The following NKAIN3 variants were observed in gnomAD, a reference collection of about 807,000 sequenced individuals.
NKAIN3 encodes the protein sodium/potassium transporting ATPase interacting 3.
Under a neutral mutation model 30.2 loss-of-function variants are expected in NKAIN3, and 25 were observed. The observed-to-expected ratio is 0.83, with a 90% confidence interval of 0.60 to 1.16. NKAIN3 has a LOEUF of 1.16. NKAIN3 is among the 50% of genes most tolerant of loss of function. The pLI, the probability that NKAIN3 is intolerant of heterozygous loss-of-function variation, is 0.00. For missense variants in NKAIN3, 225 were observed against 254.1 expected, an observed-to-expected ratio of 0.89 and a Z score of 0.78; for synonymous variants, 91 against 89.6, an observed-to-expected ratio of 1.02 and a Z score of -0.09.
intron 1 of NKAIN3, among the ~76,000 whole-genome samples, chr8:62,291,650 C>G (rs1320984897): frequency 2.6e-5 from 4 of 152,284 alleles, no homozygotes; most frequent in Middle Eastern, 3.4e-3. Context: ...GAGTGCTTTA[C>G]TTCGAACTAT....
chr8:62,674,698 A>G (rs1023459500), intron 3 of NKAIN3, among the ~76,000 whole-genome samples: 1 of 152,222 alleles, frequency 6.6e-6, no homozygotes, highest in Non-Finnish European at 1.5e-5. Context: ...CAGGTGGACA[A>G]TCAGGCAGGG....
At chr8:62,568,143 C>A (rs1809815411) in intron 1 of NKAIN3, among the ~76,000 whole-genome samples, 1 of 152,138 alleles carries the variant, frequency 6.6e-6, no homozygotes. Context: ...TGAAACACAG[C>A]ATCATGCATC....
chr8:62,565,892 A>C (rs1809733369), intron 1 of NKAIN3, among the ~76,000 whole-genome samples: 1 of 152,202 alleles, frequency 6.6e-6, no homozygotes, highest in South Asian at 2.1e-4. Flanking sequence ...ATTTTATAAT[A>C]AAGTATTGAA....
At chr8:62,672,685 C>T (rs868709076) in intron 3 of NKAIN3, among the ~76,000 whole-genome samples, 54 of 152,306 alleles carry the variant, frequency 3.5e-4, no homozygotes, top group Middle Eastern at 3.4e-3. Flanking sequence ...TTGTCTCCCC[C>T]ATTCCTAGGC....
intron 4 of NKAIN3, among the ~76,000 whole-genome samples, chr8:62,892,314 A>G (rs1821318866): frequency 6.6e-6 from 1 of 152,236 alleles, no homozygotes; most frequent in Non-Finnish European, 1.5e-5. Flanking sequence ...TTCAAATGAC[A>G]TCTGCAAAAT....
chr8:62,292,193 TG>T (rs1167054517), intron 1 of NKAIN3, among the ~76,000 whole-genome samples: 2 of 152,202 alleles, frequency 1.3e-5, no homozygotes, highest in Non-Finnish European at 2.9e-5. Context: ...CTATCCAATT[TG>T]CCAGTCTGTG....
chr8:62,825,792 A>G (rs1819003045), intron 4 of NKAIN3, among the ~76,000 whole-genome samples: 1 of 152,104 alleles, frequency 6.6e-6, no homozygotes, highest in African/African-American at 2.4e-5. Flanking sequence ...GGGGTGACAG[A>G]GCTTGGCTGC....
intron 1 of NKAIN3, among the ~76,000 whole-genome samples, chr8:62,540,268 T>C (rs1808797495): frequency 6.6e-6 from 1 of 152,188 alleles, no homozygotes; most frequent in Admixed American, 6.5e-5. Context: ...TACAATTCAC[T>C]AGTAAATTTT....
At chr8:62,683,742 G>A (rs148933263) in intron 3 of NKAIN3, among the ~76,000 whole-genome samples, 5 of 152,226 alleles carry the variant, frequency 3.3e-5, no homozygotes, top group Non-Finnish European at 5.9e-5. Flanking sequence ...ACCCTGAGAA[G>A]ATGGAATGAA....
intron 3 of NKAIN3, among the ~76,000 whole-genome samples, chr8:62,691,983 A>AT (rs1481758651): frequency 6.6e-6 from 1 of 152,134 alleles, no homozygotes; most frequent in Non-Finnish European, 1.5e-5. Context: ...ATCTTTGAGC[A>AT]TTTTTATGTA....
chr8:62,688,574 C>A (rs547784468), intron 3 of NKAIN3, among the ~76,000 whole-genome samples: 2 of 152,170 alleles, frequency 1.3e-5, no homozygotes, highest in East Asian at 1.9e-4. Context: ...CAAATTTATA[C>A]CTTGGCGTAA....
chr8:62,706,281 A>C (rs1814518578), intron 3 of NKAIN3, among the ~76,000 whole-genome samples: 2 of 152,084 alleles, frequency 1.3e-5, no homozygotes, highest in African/African-American at 2.4e-5. Flanking sequence ...TCCCCAGCTG[A>C]AGATCTTATT....
At chr8:62,822,212 A>G (rs888432859) in intron 4 of NKAIN3, among the ~76,000 whole-genome samples, 1 of 152,182 alleles carries the variant, frequency 6.6e-6, no homozygotes, top group Non-Finnish European at 1.5e-5. Context: ...TATCTTCTTC[A>G]TGCTAGGGCA....
At chr8:62,364,612 G>A (rs1187429356) in intron 1 of NKAIN3, among the ~76,000 whole-genome samples, 1 of 151,780 alleles carries the variant, frequency 6.6e-6, no homozygotes, top group Non-Finnish European at 1.5e-5. Flanking sequence ...GGAGGCCGAT[G>A]CGGGTGGATC....
intron 5 of NKAIN3, among the ~76,000 whole-genome samples, chr8:62,992,531 C>T (rs1824342616): frequency 1.3e-5 from 2 of 151,978 alleles, no homozygotes; most frequent in African/African-American, 4.8e-5. Context: ...AAACAGACAA[C>T]ACAGGCCATG....
intron 5 of NKAIN3, among the ~76,000 whole-genome samples, chr8:62,937,547 G>A (rs1822823548): frequency 6.6e-6 from 1 of 152,114 alleles, no homozygotes. Flanking sequence ...AGGAAGACCA[G>A]GGAAGCTATT....
intron 2 of NKAIN3, among the ~76,000 whole-genome samples, 188 bp downstream of exon 2, chr8:62,579,864 G>A (rs1420427702): frequency 1.3e-5 from 2 of 152,098 alleles, no homozygotes; most frequent in Non-Finnish European, 2.9e-5. Context: ...TGTACAGTCA[G>A]ATCAAAACAA....
chr8:62,469,422 C>G (rs1563412587), intron 1 of NKAIN3, among the ~76,000 whole-genome samples: 1 of 152,050 alleles, frequency 6.6e-6, no homozygotes, highest in South Asian at 2.1e-4. Flanking sequence ...GAATATGAAC[C>G]AAGTTATCTG....
At chr8:62,812,078 C>A (rs1345969300) in intron 4 of NKAIN3, among the ~76,000 whole-genome samples, 4 of 151,928 alleles carry the variant, frequency 2.6e-5, no homozygotes, top group Non-Finnish European at 5.9e-5. Context: ...AGTTCCCACA[C>A]AATTTGTGAA....
Sources: gnomAD v4.1 joint callset for allele counts (sites outside exome capture counted in the v4.1 genomes callset) on GRCh38, gnomAD v4.1.1 for gene constraint, MANE v1.5 for transcripts, NCBI Gene and HGNC (gene_info 2026-07-23, HGNC 2026-07-21) for gene names.